The following NEMP1 variants were observed in gnomAD, a reference collection of about 807,000 sequenced individuals.
NEMP1 encodes nuclear envelope integral membrane protein 1.
Under a neutral mutation model 53.7 loss-of-function variants are expected in NEMP1, and 29 were observed. That is an observed-to-expected ratio of 0.54 (90% CI 0.40 to 0.74). The LOEUF is 0.74. Ranked by LOEUF, NEMP1 falls within the 30% of genes least tolerant of loss-of-function variation. NEMP1 has a pLI of 0.00. For missense variants in NEMP1, 477 were observed against 528.6 expected (o/e 0.90, Z 0.96); for synonymous variants, 193 against 192.9 (o/e 1.00, Z 0.00).
intron 5 of NEMP1, 62 bp downstream of exon 5, chr12:57,064,584 G>A: frequency 7.7e-7 from 1 of 1,299,784 alleles, no homozygotes; most frequent in Non-Finnish European, 1.1e-6. Flanking sequence ...AGATTACCCA[G>A]GAAAACAGTC....
intron 1 of NEMP1, 90 bp downstream of exon 1, chr12:57,078,529 G>C (rs1048907781): frequency 2.5e-5 from 37 of 1,492,982 alleles, no homozygotes; most frequent in Admixed American, 1.2e-4. Context: ...CCCTTCTGCA[G>C]AGTAACGGCC....
chr12:57,082,823 G>C (rs538013960), upstream of NEMP1, among the ~76,000 whole-genome samples: 2 of 151,484 alleles, frequency 1.3e-5, no homozygotes, highest in South Asian at 4.2e-4. Context: ...ACCAGCCTGG[G>C]CAACATAGTG....
chr12:57,063,092 T>C (rs1262683562), intron 7 of NEMP1, 27 bp downstream of exon 7: 1 of 1,561,032 alleles, frequency 6.4e-7, no homozygotes, highest in African/African-American at 1.4e-5. Context: ...TACCTGTCAA[T>C]ATTAAGTTAC....
At chr12:57,080,333 C>T (rs2032806901), upstream of NEMP1, among the ~76,000 whole-genome samples, 1 of 151,978 alleles carries the variant, frequency 6.6e-6, no homozygotes, top group African/African-American at 2.4e-5. Flanking sequence ...AATCCTAACA[C>T]TTTGGGAGTC....
Position 57,056,020 on chromosome 12 carries a change from G to C in NEMP1, c.*3859C>G, listed in dbSNP as rs1390183942. 1 of 152,196 alleles carries C rather than the reference G, an allele frequency of 6.6e-6. No homozygotes were observed. Among genetic ancestry groups the C allele is most frequent in the Non-Finnish European group, 1.5e-5 (1 of 68,034 alleles). 9.4% of individuals were successfully genotyped at this position (152,196 alleles called of 1,614,324 possible). A position where few individuals can be genotyped will look rare whatever the true frequency, so the allele number is the denominator to read the frequency against. On this transcript the variant is annotated 3_prime_UTR_variant, in exon 9 of 9. Coordinates refer to ENST00000300128, the MANE Select transcript of NEMP1 (RefSeq NM_001130963.2). Reference sequence around the variant, plus strand: ...TCATGCTATAGGCAAATTCAGAGGTGATTTCACCATTTTCAAATTATCATC... The same window carrying C: ...TCATGCTATAGGCAAATTCAGAGGTCATTTCACCATTTTCAAATTATCATC...
At chr12:57,062,428 C>T (rs942581924) in intron 7 of NEMP1, among the ~76,000 whole-genome samples, 5 of 151,390 alleles carry the variant, frequency 3.3e-5, no homozygotes, top group Non-Finnish European at 7.4e-5. Context: ...TGCAGTGAGC[C>T]GAGATCACGC....
In NEMP1 at chr12:57,070,684, A is replaced by T; in HGVS notation, c.462T>A (p.Ile154=). 1 of 1,552,992 alleles carries T rather than the reference A, an allele frequency of 6.4e-7. No homozygotes were observed. Among genetic ancestry groups the T allele is most frequent in the Non-Finnish European group, 8.7e-7 (1 of 1,147,430 alleles). ...IIEKDTKYSV[I]VIRRFDPKLF... ...AGAGGTGAGACTTACTCCGGATCAC[A>T]ATGACACTGTACTTGGTGTCCTTCT... is the stretch of plus-strand genomic sequence containing the variant. Residue 154 remains isoleucine, a synonymous_variant, in exon 3 of 9, where the codon ATT becomes ATA. Transcript: ENST00000300128.
chr12:57,060,591 T>C (rs1231838359), intron 8 of NEMP1, among the ~76,000 whole-genome samples, 181 bp downstream of exon 8: 1 of 152,220 alleles, frequency 6.6e-6, no homozygotes, highest in African/African-American at 2.4e-5. Context: ...GAGTAGATAG[T>C]TCCCTGAGGA....
At position 57,070,904 on chromosome 12, in the gene NEMP1, A is replaced by C; in HGVS notation, c.253-11T>G. ...ACTATTTACTCGGATCTGTAACACA[A>C]ATAAAATCAGGATGAGAAAAAAGGA... On this transcript the variant is annotated splice_polypyrimidine_tract_variant and intron_variant, in intron 2 of 8. Transcript: ENST00000300128. The C allele has an allele frequency of 6.3e-7, 1 of 1,583,254 alleles. No homozygotes were observed. Among genetic ancestry groups the C allele is most frequent in the Non-Finnish European group, 8.6e-7 (1 of 1,164,676 alleles).
At chr12:57,077,903 GA>G (rs1272170289) in intron 1 of NEMP1, among the ~76,000 whole-genome samples, 4 of 152,102 alleles carry the variant, frequency 2.6e-5, no homozygotes, top group Non-Finnish European at 5.9e-5. Flanking sequence ...CCAACATAGT[GA>G]AACCCCATTT....
At chr12:57,074,935 A>G (rs142012651) in intron 1 of NEMP1, among the ~76,000 whole-genome samples, 11,481 of 152,020 alleles carry the variant, frequency 0.076, 576 homozygotes, top group Middle Eastern at 0.15. Context: ...TACAAATACA[A>G]AAAAATCAGC....
chr12:57,060,401 G>A (rs1212450814), intron 8 of NEMP1, among the ~76,000 whole-genome samples: 1 of 152,196 alleles, frequency 6.6e-6, no homozygotes, highest in African/African-American at 2.4e-5. Context: ...TTATGGCCCT[G>A]TAAACTTTAT....
intron 1 of NEMP1, among the ~76,000 whole-genome samples, 174 bp from the exon 2 acceptor site, chr12:57,073,086 C>G (rs947204115): frequency 3.9e-5 from 6 of 151,912 alleles, no homozygotes; most frequent in African/African-American, 1.5e-4. Flanking sequence ...AATCTTATTT[C>G]TGTCGTTTAA....
chr12:57,082,479 C>T (rs902307034), upstream of NEMP1, among the ~76,000 whole-genome samples: 1 of 152,080 alleles, frequency 6.6e-6, no homozygotes, highest in Admixed American at 6.5e-5. Flanking sequence ...TTTAGGAGAC[C>T]GGGTCTGAGG....
At chr12:57,074,309 TC>T (rs1233991248) in intron 1 of NEMP1, among the ~76,000 whole-genome samples, 1 of 136,654 alleles carries the variant, frequency 7.3e-6, no homozygotes, top group African/African-American at 2.9e-5. Context: ...TTTTTTTTTT[TC>T]AGACAGGGTC....
upstream of NEMP1, among the ~76,000 whole-genome samples, chr12:57,082,660 C>G (rs2032879269): frequency 6.6e-6 from 1 of 152,058 alleles, no homozygotes. Flanking sequence ...TGCAGTGAGC[C>G]ATGATCATGC....
At chr12:57,066,618 G>A (rs1282432109) in intron 4 of NEMP1, among the ~76,000 whole-genome samples, 2 of 152,184 alleles carry the variant, frequency 1.3e-5, no homozygotes. Context: ...AAGAAGAAGG[G>A]AGACGGGAAT....
intron 4 of NEMP1, among the ~76,000 whole-genome samples, chr12:57,067,228 G>A (rs1295290537): frequency 1.3e-5 from 2 of 151,968 alleles, no homozygotes; most frequent in East Asian, 3.9e-4. Flanking sequence ...GGAGGCTGAG[G>A]CAGGAGAATG....
chr12:57,082,888 G>GCTGTGGT (rs1179804293), upstream of NEMP1, among the ~76,000 whole-genome samples: 1 of 152,052 alleles, frequency 6.6e-6, no homozygotes, highest in Non-Finnish European at 1.5e-5. Context: ...AGGTGTGGTG[G>GCTGTGGT]CATGCACCTG....
Sources: allele counts gnomAD v4.1 joint callset (sites outside exome capture counted in the v4.1 genomes callset), GRCh38; gene constraint gnomAD v4.1.1; transcripts MANE v1.5; gene names NCBI Gene and HGNC (gene_info 2026-07-23, HGNC 2026-07-21).